Variants in RBFOX3 observed in about 807,000 individuals in gnomAD.
RBFOX3 encodes the protein RNA binding protein fox-1 homolog 3.
A neutral mutation model predicts 48.7 loss-of-function variants in RBFOX3; 17 were observed. That is an observed-to-expected ratio of 0.35 (90% confidence interval 0.24 to 0.52). The LOEUF is 0.52. Among genes scored for constraint, RBFOX3 ranks in the 20% least tolerant of loss-of-function variants. RBFOX3 has a pLI of 0.94. For missense variants in RBFOX3, 382 were observed against 497.5 expected (o/e 0.77, Z 2.21); for synonymous variants, 212 against 209.5 (o/e 1.01, Z -0.10).
At chr17:79,177,039 C>T (rs2050712999) in intron 4 of RBFOX3, among the ~76,000 whole-genome samples, 1 of 152,172 alleles carries the variant, frequency 6.6e-6, no homozygotes, top group Non-Finnish European at 1.5e-5. Flanking sequence ...CCCACTATGC[C>T]CCCTGGGTCC....
intron 2 of RBFOX3, among the ~76,000 whole-genome samples, chr17:79,326,855 A>G (rs2079409930): frequency 6.6e-6 from 1 of 152,258 alleles, no homozygotes; most frequent in Non-Finnish European, 1.5e-5. Context: ...AGAGTTCACA[A>G]AGCATTTTGA....
intron 4 of RBFOX3, among the ~76,000 whole-genome samples, chr17:79,126,344 T>C (rs1251469572): frequency 1.3e-5 from 2 of 152,156 alleles, no homozygotes; most frequent in African/African-American, 4.8e-5. Flanking sequence ...GGTGCCCTCA[T>C]GTGGCAGGCG....
At chr17:79,575,790 A>G (rs2092838336) in intron 1 of RBFOX3, among the ~76,000 whole-genome samples, 1 of 152,222 alleles carries the variant, frequency 6.6e-6, no homozygotes, top group African/African-American at 2.4e-5. Context: ...TAGGCCCAAC[A>G]CATGCTATTT....
At chr17:79,431,358 G>A (rs927427707) in intron 2 of RBFOX3, among the ~76,000 whole-genome samples, 2 of 152,158 alleles carry the variant, frequency 1.3e-5, no homozygotes. Context: ...TTGTCCCCAA[G>A]GCTTGAGTGC....
chr17:79,290,115 G>A (rs1309676191), intron 3 of RBFOX3, among the ~76,000 whole-genome samples: 2 of 152,026 alleles, frequency 1.3e-5, no homozygotes, highest in East Asian at 3.9e-4. Context: ...GCAGGTGGTG[G>A]GAGACAAGCA....
At chr17:79,498,853 C>A (rs1355602449) in intron 1 of RBFOX3, among the ~76,000 whole-genome samples, 1 of 133,150 alleles carries the variant, frequency 7.5e-6, no homozygotes, top group Non-Finnish European at 1.6e-5. Context: ...CCACCCACCA[C>A]ATCTACCCAT....
At chr17:79,292,894 T>C (rs2073615530) in intron 3 of RBFOX3, among the ~76,000 whole-genome samples, 1 of 152,176 alleles carries the variant, frequency 6.6e-6, no homozygotes, top group East Asian at 1.9e-4. Flanking sequence ...GGCCTTTGTT[T>C]TGGGAGTTGG....
chr17:79,593,930 A>C (rs2093494828), intron 1 of RBFOX3, among the ~76,000 whole-genome samples: 1 of 152,136 alleles, frequency 6.6e-6, no homozygotes, highest in Non-Finnish European at 1.5e-5. Context: ...AGGCACTTGG[A>C]CCAAAGGGTT....
At chr17:79,520,787 C>T (rs1242611165) in intron 1 of RBFOX3, among the ~76,000 whole-genome samples, 10 of 152,342 alleles carry the variant, frequency 6.6e-5, no homozygotes, top group African/African-American at 1.7e-4. Flanking sequence ...CCCGGCTGGC[C>T]GGGTGCCACA....
chr17:79,335,358 C>T (rs1417743938), intron 2 of RBFOX3, among the ~76,000 whole-genome samples: 1 of 152,236 alleles, frequency 6.6e-6, no homozygotes, highest in South Asian at 2.1e-4. Context: ...AATGAAACAT[C>T]ATGTAAGTGT....
intron 1 of RBFOX3, among the ~76,000 whole-genome samples, chr17:79,608,235 C>A (rs1462180225): frequency 6.6e-6 from 1 of 152,236 alleles, no homozygotes; most frequent in Non-Finnish European, 1.5e-5. Flanking sequence ...CTGGTCCCTG[C>A]GGAAGGGCAG....
chr17:79,611,181 C>CG (rs2093965018), upstream of RBFOX3, among the ~76,000 whole-genome samples: 20 of 5,270 alleles, frequency 3.8e-3, no homozygotes, highest in Non-Finnish European at 5.5e-3. Flanking sequence ...TCTCCGCCCT[C>CG]CTTCTCTCTC....
chr17:79,279,475 G>T (rs116397853), intron 3 of RBFOX3, among the ~76,000 whole-genome samples: 103 of 152,318 alleles, frequency 6.8e-4, no homozygotes, highest in African/African-American at 2.3e-3. Context: ...GCATGGCCCG[G>T]CCCGGCACGG....
At chr17:79,332,042 G>A (rs2080390605) in intron 2 of RBFOX3, among the ~76,000 whole-genome samples, 1 of 152,124 alleles carries the variant, frequency 6.6e-6, no homozygotes, top group African/African-American at 2.4e-5. Flanking sequence ...ACTCCTTGGG[G>A]CTCCAGGAGC....
At chr17:79,467,922 C>A (rs2076530697) in intron 2 of RBFOX3, among the ~76,000 whole-genome samples, 1 of 152,080 alleles carries the variant, frequency 6.6e-6, no homozygotes, top group African/African-American at 2.4e-5. Context: ...GGCTCCTGAG[C>A]ATGGCCTGTC....
chr17:79,432,100 AT>A (rs1422544928), intron 2 of RBFOX3, among the ~76,000 whole-genome samples: 21 of 152,236 alleles, frequency 1.4e-4, no homozygotes, highest in African/African-American at 5.1e-4. Context: ...TTCTGGCTTC[AT>A]TCACACTGTG....
Position 79,364,553 on chromosome 17 carries a change from G to A in RBFOX3, c.-174-56729C>T, listed in dbSNP as rs765698621. Among the ~76,000 whole-genome samples, 67 of 152,198 alleles carry A rather than the reference G, an allele frequency of 4.4e-4. No homozygotes were observed. The highest frequency in any genetic ancestry group is 1.8e-4 in the Non-Finnish European group (12 of 68,040). ...AGTGTGTTGACTGCACAGACACTGC[G>A]TGCAGCTCTGGGGATGAAAAGATGC... On this transcript the variant is annotated intron_variant, in intron 2 of 14. Coordinates refer to ENST00000693108, the MANE Select transcript of RBFOX3 (RefSeq NM_001350451.2). The surrounding 1 kb of genome is among the most constrained non-coding windows in gnomAD (Gnocchi z 5.1).
chr17:79,302,152 C>T (rs1424967613), intron 3 of RBFOX3, among the ~76,000 whole-genome samples: 2 of 152,210 alleles, frequency 1.3e-5, no homozygotes, highest in East Asian at 1.9e-4. Flanking sequence ...TGTGAACAGA[C>T]ATTTGCACCC....
At chr17:79,429,490 G>A (rs1414914474) in intron 2 of RBFOX3, among the ~76,000 whole-genome samples, 1 of 152,166 alleles carries the variant, frequency 6.6e-6, no homozygotes, top group Non-Finnish European at 1.5e-5. Context: ...AGGCCATGCC[G>A]TGGACTGGGC....
Sources: allele counts gnomAD v4.1 joint callset (sites outside exome capture counted in the v4.1 genomes callset), GRCh38; gene constraint gnomAD v4.1.1; non-coding constraint Gnocchi (gnomAD v3.1); transcripts MANE v1.5; gene names NCBI Gene and HGNC (gene_info 2026-07-23, HGNC 2026-07-21).